Variants in TLL2 observed in about 807,000 individuals in gnomAD.
TLL2 encodes the protein tolloid like 2, also known as tolloid-like protein 2.
Under a neutral mutation model 123.0 loss-of-function variants are expected in TLL2, and 106 were observed. That is an observed-to-expected ratio of 0.86 (90% CI 0.74 to 1.01). The LOEUF (loss-of-function observed/expected upper bound fraction) is 1.01, where lower values mean the gene tolerates loss of function less well. Among genes scored for constraint, TLL2 ranks in the 50% least tolerant of loss-of-function variants. The pLI is 0.00. For missense variants in TLL2, 1,332 were observed against 1,336.7 expected (o/e 1.00, Z 0.06); for synonymous variants, 494 against 516.8 (o/e 0.96, Z 0.60).
At chr10:96,444,542 G>T (rs1002269879) in intron 3 of TLL2, among the ~76,000 whole-genome samples, 10 of 152,258 alleles carry the variant, frequency 6.6e-5, no homozygotes, top group Non-Finnish European at 1.5e-4. Context: ...TTTATGTTTA[G>T]ATGTATGCTT....
At chr10:96,382,977 G>A (rs1194084489) in intron 16 of TLL2, among the ~76,000 whole-genome samples, 1 of 151,682 alleles carries the variant, frequency 6.6e-6, no homozygotes, top group Non-Finnish European at 1.5e-5. Context: ...AAGGAGGGAG[G>A]GAAGAAGGAT....
chr10:96,502,050 A>T (rs1231657402), intron 1 of TLL2, among the ~76,000 whole-genome samples: 1 of 152,182 alleles, frequency 6.6e-6, no homozygotes, highest in Non-Finnish European at 1.5e-5. Context: ...TTGAAAGGGG[A>T]CCTGATTGAG....
In TLL2 at chr10:96,485,231, G is replaced by A. The variant is rs980715737; in HGVS notation, c.176-4772C>T. On this transcript the variant is annotated intron_variant, in intron 1 of 20. Coordinates refer to ENST00000357947, the MANE Select transcript of TLL2 (RefSeq NM_012465.4). ...TTCATTATCTTGATTTGGCAATGGC[G>A]TAGATATAACATCAAAAGCATGAGC... 5.3e-5 allele frequency among the ~76,000 whole-genome samples: 8 copies of A among 152,110 alleles called. No individual in the cohort carries two copies. In the South Asian group the frequency reaches 6.2e-4, roughly 12 times the overall value.
chr10:96,485,957 TAA>T (rs1847351113), intron 1 of TLL2, among the ~76,000 whole-genome samples: 3 of 129,998 alleles, frequency 2.3e-5, no homozygotes, highest in South Asian at 5.3e-4. Context: ...TCAAACATTC[TAA>T]GAGAAGAAAG....
chr10:96,411,189 T>C (rs968634082), intron 8 of TLL2, among the ~76,000 whole-genome samples: 4 of 133,616 alleles, frequency 3.0e-5, no homozygotes, highest in Admixed American at 8.4e-5. Flanking sequence ...AGGTGGAGAG[T>C]GCAGTGAGCC....
intron 6 of TLL2, among the ~76,000 whole-genome samples, chr10:96,421,461 C>T (rs547770782): frequency 6.6e-6 from 1 of 152,272 alleles, no homozygotes; most frequent in Non-Finnish European, 1.5e-5. Flanking sequence ...GTCAGGAGTT[C>T]GAGACCAGCC....
At chr10:96,430,796 C>T (rs1419943167) in intron 4 of TLL2, among the ~76,000 whole-genome samples, 1 of 152,106 alleles carries the variant, frequency 6.6e-6, no homozygotes, top group African/African-American at 2.4e-5. Context: ...GTGGGAGGAT[C>T]GCTTGAGCCT....
rs547466653 is a variant in TLL2 at position 96,398,381 on chromosome 10, G to A, written c.1268-1079C>T. On this transcript the variant is annotated intron_variant, in intron 10 of 20. Coordinates refer to ENST00000357947, the MANE Select transcript of TLL2 (RefSeq NM_012465.4). Reference sequence around the variant, plus strand: ...CAGGGTGGCAGGATAGATGCCCCCCGCCACCACCATGCCTTGGCATAAACT... The same window carrying A: ...CAGGGTGGCAGGATAGATGCCCCCCACCACCACCATGCCTTGGCATAAACT... Among the ~76,000 whole-genome samples, 26 of 152,244 alleles carry A rather than the reference G, an allele frequency of 1.7e-4. 1 individual carries two copies. The East Asian group carries it at 4.6e-3, about 27-fold the overall frequency.
chr10:96,502,175 C>A (rs990039073), intron 1 of TLL2, among the ~76,000 whole-genome samples: 1 of 152,028 alleles, frequency 6.6e-6, no homozygotes, highest in African/African-American at 2.4e-5. Context: ...GAAGAAGAAC[C>A]GATGTGAGCT....
At chr10:96,452,336 A>T (rs1407413002) in intron 2 of TLL2, among the ~76,000 whole-genome samples, 3 of 152,140 alleles carry the variant, frequency 2.0e-5, no homozygotes, top group Non-Finnish European at 4.4e-5. Context: ...AACAAACAAA[A>T]ACTGCAAGGA....
chr10:96,390,042 G>A lies in TLL2; in HGVS notation c.1727-2964C>T, dbSNP rs115302076. Among the ~76,000 whole-genome samples, 1,116 of 152,386 alleles carry A rather than the reference G, an allele frequency of 7.3e-3. 21 individuals carry two copies. Among genetic ancestry groups the A allele is most frequent in the African/African-American group, 0.025 (1,031 of 41,596 alleles). On this transcript the variant is annotated intron_variant, in intron 13 of 20. Transcript: ENST00000357947. ...CTTGCTCTGGGCTGCAGAGGCCAAG[G>A]CCAAGGCCAAGCCTCCCAGAAAAAT...
At chr10:96,421,270 C>T (rs1846618135) in intron 6 of TLL2, among the ~76,000 whole-genome samples, 1 of 152,116 alleles carries the variant, frequency 6.6e-6, no homozygotes, top group South Asian at 2.1e-4. Context: ...ACCCCACCAC[C>T]CAAGACCTAT....
At chr10:96,502,979 T>C (rs111604747) in intron 1 of TLL2, among the ~76,000 whole-genome samples, 2,696 of 152,216 alleles carry the variant, frequency 0.018, 44 homozygotes, top group Non-Finnish European at 0.022. Flanking sequence ...CACAGATAGG[T>C]CTGTAACCAA....
At chr10:96,399,701 C>T (rs150420821) in intron 10 of TLL2, among the ~76,000 whole-genome samples, 86 of 152,336 alleles carry the variant, frequency 5.6e-4, no homozygotes, top group African/African-American at 1.9e-3. Flanking sequence ...AATGAGGACA[C>T]GGAGCAATTA....
At chr10:96,385,659 A>G (rs912188771) in intron 15 of TLL2, among the ~76,000 whole-genome samples, 2 of 152,124 alleles carry the variant, frequency 1.3e-5, no homozygotes, top group Admixed American at 6.5e-5. Context: ...TTGATCATCC[A>G]TGATCACTGC....
Position 96,370,052 on chromosome 10 carries a change from C to A in TLL2, c.2913+13G>T. On this transcript the variant is annotated intron_variant, in intron 20 of 20. Coordinates refer to ENST00000357947, the MANE Select transcript of TLL2 (RefSeq NM_012465.4). ...TCACACTCTGCCCCGGCCCCAGCGTCTCCGGGACTTACCCCAGAGCCACAG... is the reference window on the plus strand; with the variant it reads ...TCACACTCTGCCCCGGCCCCAGCGTATCCGGGACTTACCCCAGAGCCACAG... 1 of 1,568,654 alleles carries A rather than the reference C, an allele frequency of 6.4e-7. No individual in the cohort carries two copies. Among genetic ancestry groups the A allele is most frequent in the East Asian group, 2.3e-5 (1 of 44,072 alleles).
intron 1 of TLL2, among the ~76,000 whole-genome samples, chr10:96,486,932 C>T (rs889715093): frequency 2.6e-5 from 4 of 152,246 alleles, no homozygotes; most frequent in Admixed American, 2.0e-4. Flanking sequence ...AGTGCTCAGG[C>T]GTCCTCCTGA....
chr10:96,476,248 T>TTTTTTTTTTTTTGTTTG (rs1285354320), intron 2 of TLL2, among the ~76,000 whole-genome samples: 1 of 69,230 alleles, frequency 1.4e-5, no homozygotes, highest in African/African-American at 6.2e-5. Context: ...ATATTTTATT[T>TTTTTTTTTTTTTGTTTG]TTGTTGTTGT....
intron 2 of TLL2, among the ~76,000 whole-genome samples, chr10:96,472,831 C>A (rs1847197868): frequency 1.3e-5 from 2 of 152,034 alleles, no homozygotes; most frequent in South Asian, 4.1e-4. Flanking sequence ...CTTTTTAGAG[C>A]CTCAAACCTT....
Sources: gnomAD v4.1 joint callset for allele counts (sites outside exome capture counted in the v4.1 genomes callset) on GRCh38, gnomAD v4.1.1 for gene constraint, MANE v1.5 for transcripts, NCBI Gene and HGNC (gene_info 2026-07-23, HGNC 2026-07-21) for gene names.